The following PPP2R2D variants were observed in gnomAD, a reference collection of about 807,000 sequenced individuals.
PPP2R2D encodes the protein protein phosphatase 2 regulatory subunit Bdelta.
A neutral mutation model predicts 31.1 loss-of-function variants in PPP2R2D; 9 were observed. That is an observed-to-expected ratio of 0.29 (90% CI 0.17 to 0.51). PPP2R2D has a LOEUF of 0.51. Among genes scored for constraint, PPP2R2D ranks in the 20% least tolerant of loss-of-function variants. The pLI is 0.98. For synonymous variants in PPP2R2D, 179 were observed against 172.6 expected (o/e 1.04, Z -0.29); for missense variants, 391 against 465.6 (o/e 0.84, Z 1.48).
chr10:131,931,113 A>T (rs1476920503), intron 2 of PPP2R2D, among the ~76,000 whole-genome samples: 1 of 152,142 alleles, frequency 6.6e-6, no homozygotes, highest in African/African-American at 2.4e-5. Context: ...CACGTCCAGC[A>T]TCCCTCTCCT....
At chr10:131,964,977 T>C in the PPP2R2D span, among the ~76,000 whole-genome samples, 1 of 152,326 alleles carries the variant, frequency 6.6e-6, no homozygotes, top group African/African-American at 2.4e-5. Flanking sequence ...TTCTGCCTTA[T>C]TCACCCTAAT....
At position 131,955,737 on chromosome 10, in the gene PPP2R2D, C is replaced by T. The variant is rs577541215; in HGVS notation, c.1136C>T (p.Thr379Met). 20 of 1,531,766 alleles carry T rather than the reference C, an allele frequency of 1.3e-5. No homozygotes were observed. The highest frequency in any genetic ancestry group is 3.5e-4 in the Middle Eastern group (2 of 5,728). 94.9% of individuals were successfully genotyped at this position (1,531,766 alleles called of 1,614,324 possible). Residue 379 changes from threonine to methionine, a missense_variant, in exon 9 of 9, where the codon ACG (threonine) becomes ATG (methionine). This residue lies in a region of PPP2R2D where 163 missense variants were observed against 179.5 expected (regional missense o/e 0.91). Transcript: ENST00000455566. ...TTCTTCAGGATGTTTGATAGAGACA[C>T]GCGGAGGGATGTGACCCTGGAGGCC... ...NNFFRMFDRD[T>M]RRDVTLEASR...
the PPP2R2D span, chr10:131,968,511 C>T: frequency 6.3e-7 from 1 of 1,580,888 alleles, no homozygotes; most frequent in South Asian, 1.1e-5. Flanking sequence ...CCAAGTCAGA[C>T]TCCAGTTCTT....
At chr10:131,968,855 A>C in the PPP2R2D span, 3 of 293,630 alleles carry the variant, frequency 1.0e-5, no homozygotes, top group Non-Finnish European at 2.0e-5. Flanking sequence ...CTTTGTTCCA[A>C]CTCAGTGCTG....
chr10:131,967,284 G>GT, the PPP2R2D span: 2 of 152,234 alleles, frequency 1.3e-5, no homozygotes, highest in African/African-American at 4.8e-5. Flanking sequence ...ACTGAGCTCT[G>GT]TAAGGTGCTG....
chr10:131,901,886 C>T (rs965473557), intron 2 of PPP2R2D, among the ~76,000 whole-genome samples: 2 of 152,196 alleles, frequency 1.3e-5, no homozygotes, highest in Non-Finnish European at 2.9e-5. Flanking sequence ...GTTCTAAAAT[C>T]CTTGAATTTT....
intron 2 of PPP2R2D, among the ~76,000 whole-genome samples, chr10:131,907,730 C>G (rs1341164301): frequency 1.6e-4 from 24 of 146,434 alleles, no homozygotes; most frequent in African/African-American, 5.6e-4. Flanking sequence ...GGCAGCAGAG[C>G]GAGACTCCAT....
Position 131,957,507 on chromosome 10 carries a change from CGTCCCCCTGTGG to C in PPP2R2D, c.*1545_*1556del, listed in dbSNP as rs2036824034. 5.4e-6 allele frequency: 1 copy of C among 183,874 alleles called. No individual in the cohort carries two copies. Among genetic ancestry groups the C allele is most frequent in the Admixed American group, 6.4e-5 (1 of 15,604 alleles). The allele number at this position is 183,874 out of a possible 1,614,324, so 11.4% of individuals were successfully genotyped here. A position where few individuals can be genotyped will look rare whatever the true frequency, so the allele number is the denominator to read the frequency against. On this transcript the variant is annotated 3_prime_UTR_variant, in exon 9 of 9. Transcript: ENST00000455566. ...TGGATGAAGGTGTGTGCTGATCCCC[CGTCCCCCTGTGG>C]AGATGAAGGTGTGTGCTGATCCCCC... is the stretch of plus-strand genomic sequence containing the variant.
chr10:131,928,207 A>T (rs1338698082), intron 2 of PPP2R2D, among the ~76,000 whole-genome samples: 1 of 152,146 alleles, frequency 6.6e-6, no homozygotes, highest in Non-Finnish European at 1.5e-5. Flanking sequence ...CCGATTTGCT[A>T]GTGCCTCCGG....
the PPP2R2D span, among the ~76,000 whole-genome samples, chr10:131,965,482 C>G: frequency 6.6e-6 from 1 of 152,200 alleles, no homozygotes. Flanking sequence ...CAGAGTCTCG[C>G]TCTGTCGCCC....
intron 3 of PPP2R2D, 91 bp from the exon 4 acceptor site, chr10:131,939,940 T>C (rs1021606980): frequency 8.9e-6 from 4 of 447,500 alleles, no homozygotes; most frequent in African/African-American, 4.0e-5. Flanking sequence ...TTAAAAAATA[T>C]GTATGGTCAT....
At position 131,947,452 on chromosome 10, in the gene PPP2R2D, A is replaced by ACTTC; in HGVS notation, c.821-75_821-72dup. On this transcript the variant is annotated intron_variant, in intron 7 of 8. Transcript: ENST00000455566. The surrounding 1 kb of genome is among the most constrained non-coding windows in gnomAD (Gnocchi z 4.3). ...CTTCCAGAGTCTCTCTGAAGGGGCC[A>ACTTC]CTTCCTACTTGAACTTGAAAATGAT... is the stretch of plus-strand genomic sequence containing the variant. The ACTTC allele has an allele frequency of 1.3e-6, 2 of 1,481,918 alleles. No homozygotes were observed. The highest frequency in any genetic ancestry group is 4.7e-5 in the East Asian group (2 of 42,832). The allele number at this position is 1,481,918 out of a possible 1,614,324, so 91.8% of individuals were successfully genotyped here.
intron 2 of PPP2R2D, among the ~76,000 whole-genome samples, chr10:131,918,670 A>G (rs2035882646): frequency 7.3e-6 from 1 of 137,242 alleles, no homozygotes; most frequent in Non-Finnish European, 1.5e-5. Flanking sequence ...GGCGGGTAGG[A>G]TGACACAGTG....
At chr10:131,935,171 C>T (rs1297360862) in intron 3 of PPP2R2D, among the ~76,000 whole-genome samples, 1 of 152,250 alleles carries the variant, frequency 6.6e-6, no homozygotes, top group East Asian at 1.9e-4. Context: ...CCCCCTCCCT[C>T]TTCTTTCTGT....
intron 2 of PPP2R2D, among the ~76,000 whole-genome samples, chr10:131,927,656 G>A (rs1397914227): frequency 3.3e-5 from 5 of 152,156 alleles, no homozygotes; most frequent in African/African-American, 9.7e-5. Context: ...TCCCTCCGGG[G>A]CAGCTCCTAC....
chr10:131,903,957 A>T (rs1312312743), intron 2 of PPP2R2D, among the ~76,000 whole-genome samples: 1 of 152,116 alleles, frequency 6.6e-6, no homozygotes, highest in African/African-American at 2.4e-5. Flanking sequence ...TAACCCCAGC[A>T]CTCTGGGAGG....
chr10:131,925,062 C>G (rs1426220425), intron 2 of PPP2R2D, among the ~76,000 whole-genome samples: 1 of 152,140 alleles, frequency 6.6e-6, no homozygotes, highest in African/African-American at 2.4e-5. Flanking sequence ...TTGTGGATTC[C>G]TTAGGATTTC....
chr10:131,919,675 G>T (rs1312926344), intron 2 of PPP2R2D, among the ~76,000 whole-genome samples: 1 of 127,006 alleles, frequency 7.9e-6, no homozygotes, highest in Non-Finnish European at 1.7e-5. Flanking sequence ...GGGACCTCAC[G>T]CGGGTGGAAT....
At chr10:131,925,604 TAA>T (rs781889057) in intron 2 of PPP2R2D, among the ~76,000 whole-genome samples, 6 of 152,244 alleles carry the variant, frequency 3.9e-5, no homozygotes, top group Non-Finnish European at 8.8e-5. Flanking sequence ...TTTTAGTGCT[TAA>T]GTGACTAGAA....
Sources: allele counts gnomAD v4.1 joint callset (sites outside exome capture counted in the v4.1 genomes callset), GRCh38; gene constraint gnomAD v4.1.1; regional missense constraint gnomAD v4.1.1; non-coding constraint Gnocchi (gnomAD v3.1); transcripts MANE v1.5; gene names NCBI Gene and HGNC (gene_info 2026-07-23, HGNC 2026-07-21).